The following REPS2 variants were observed in gnomAD, a reference collection of about 807,000 sequenced individuals.
The protein encoded by REPS2 is ralBP1-associated Eps domain-containing protein 2.
REPS2 carries 23 observed loss-of-function variants against 53.6 expected under a neutral mutation model. That is an observed-to-expected ratio of 0.43 (90% confidence interval 0.31 to 0.61). REPS2 has a LOEUF of 0.61. Among genes scored for constraint, REPS2 ranks in the 20% least tolerant of loss-of-function variants. The pLI is 0.11. For synonymous variants in REPS2, 238 were observed against 218.6 expected (o/e 1.09, Z -0.78); for missense variants, 446 against 534.9 (o/e 0.83, Z 1.64).
At chrX:16,967,692 T>C (rs969129199) in intron 1 of REPS2, among the ~76,000 whole-genome samples, 2 of 110,915 alleles carry the variant, frequency 1.8e-5, no homozygotes, top group Non-Finnish European at 3.8e-5. Flanking sequence ...TGGATTTATG[T>C]ACAGGTTCAT....
intron 1 of REPS2, among the ~76,000 whole-genome samples, chrX:16,960,752 C>G (rs2060650848): frequency 8.9e-6 from 1 of 112,147 alleles, no homozygotes; most frequent in African/African-American, 3.2e-5. Flanking sequence ...CTGGACTCCA[C>G]AAAAGCCCTC....
chrX:17,087,931 T>C (rs1448887142), intron 13 of REPS2, among the ~76,000 whole-genome samples: 5 of 50,110 alleles, frequency 1.0e-4, no homozygotes, highest in African/African-American at 4.0e-4. Context: ...TGTCGATAGA[T>C]AGATAGATAG....
intron 9 of REPS2, 51 bp from the exon 10 acceptor site, chrX:17,068,351 A>G (rs746592874): frequency 9.5e-7 from 1 of 1,056,453 alleles, no homozygotes; most frequent in South Asian, 2.0e-5. Flanking sequence ...TGTGCGCATC[A>G]CTTAATTTCT....
At chrX:17,104,527 C>T (rs1161102056) in intron 14 of REPS2, among the ~76,000 whole-genome samples, 1 of 111,210 alleles carries the variant, frequency 9.0e-6, no homozygotes, top group Non-Finnish European at 1.9e-5. Flanking sequence ...GTACACAGTC[C>T]CTGTTTCTAC....
At chrX:17,130,700 A>G (rs917972132) in intron 14 of REPS2, among the ~76,000 whole-genome samples, 1 of 96,552 alleles carries the variant, frequency 1.0e-5, no homozygotes, top group Non-Finnish European at 2.1e-5. Flanking sequence ...CTTAATAAAT[A>G]TGTCTTGAAT....
chrX:17,169,216 T>C, the REPS2 span, among the ~76,000 whole-genome samples: 9 of 112,400 alleles, frequency 8.0e-5, no homozygotes, highest in South Asian at 3.3e-3. Flanking sequence ...CCGTGTAGTT[T>C]TAAACTACTA....
the REPS2 span, among the ~76,000 whole-genome samples, chrX:17,195,587 C>A: frequency 8.9e-6 from 1 of 111,958 alleles, no homozygotes; most frequent in Non-Finnish European, 1.9e-5. Context: ...AAAAATTGAG[C>A]CTAAAATTGT....
the REPS2 span, among the ~76,000 whole-genome samples, chrX:17,168,408 G>C: frequency 4.4e-4 from 49 of 111,390 alleles, no homozygotes; most frequent in African/African-American, 1.6e-3. Flanking sequence ...CAGCTACTTG[G>C]GAGGCTGAGG....
At chrX:16,986,482 T>C (rs185118674) in intron 1 of REPS2, among the ~76,000 whole-genome samples, 2 of 112,242 alleles carry the variant, frequency 1.8e-5, no homozygotes, top group East Asian at 2.8e-4. Flanking sequence ...AGACAAGATA[T>C]CCATGAGTTC....
At chrX:17,056,440 A>C (rs1007796873) in intron 8 of REPS2, among the ~76,000 whole-genome samples, 2 of 112,362 alleles carry the variant, frequency 1.8e-5, no homozygotes, top group African/African-American at 6.5e-5. Context: ...CTGTAATCCC[A>C]GCACTTTGGG....
At chrX:16,989,264 A>T (rs1044654691) in intron 1 of REPS2, among the ~76,000 whole-genome samples, 2 of 111,007 alleles carry the variant, frequency 1.8e-5, no homozygotes, top group African/African-American at 6.6e-5. Flanking sequence ...AAAAAAAAAA[A>T]AACTCTTGCT....
At chrX:17,065,090 A>C (rs1439267078) in intron 9 of REPS2, among the ~76,000 whole-genome samples, 1 of 112,384 alleles carries the variant, frequency 8.9e-6, no homozygotes, top group Non-Finnish European at 1.9e-5. Context: ...CTATGAACAT[A>C]GATGTACAAG....
intron 13 of REPS2, among the ~76,000 whole-genome samples, chrX:17,090,532 C>A (rs2062601007): frequency 1.8e-5 from 2 of 111,835 alleles, no homozygotes; most frequent in Admixed American, 9.5e-5. Flanking sequence ...GGACACAGAG[C>A]CAAACCATGT....
chrX:17,182,132 CTCTATCTGTCTATCTA>C, the REPS2 span, among the ~76,000 whole-genome samples: 181 of 90,457 alleles, frequency 2.0e-3, no homozygotes, highest in African/African-American at 6.9e-3. Context: ...ACCTAGTGTG[CTCTATCTGTCTATCTA>C]TCTATCTATC....
At chrX:17,155,655 A>G (rs769941323), downstream of REPS2, among the ~76,000 whole-genome samples, 1 of 112,220 alleles carries the variant, frequency 8.9e-6, no homozygotes, top group Admixed American at 9.4e-5. Flanking sequence ...GTGTTCTCCC[A>G]AATTTTTCCT....
intron 5 of REPS2, among the ~76,000 whole-genome samples, chrX:17,045,011 C>T (rs1019677443): frequency 1.3e-4 from 14 of 111,614 alleles, no homozygotes; most frequent in African/African-American, 4.2e-4. Flanking sequence ...CTCGCTGCAA[C>T]GTCCACCTCC....
intron 2 of REPS2, among the ~76,000 whole-genome samples, chrX:17,019,776 A>G (rs992165813): frequency 2.7e-5 from 3 of 111,924 alleles, no homozygotes; most frequent in African/African-American, 9.7e-5. Context: ...GCAATGAGCT[A>G]TGTTAGTGCC....
chrX:17,022,160 T>C lies in REPS2; in HGVS notation c.435T>C (p.Asp145=), dbSNP rs1181331639. 3.3e-6 allele frequency: 4 copies of C among 1,210,078 alleles called. No individual in the cohort carries two copies. The highest frequency in any genetic ancestry group is 3.4e-6 in the Non-Finnish European group (3 of 894,034). The change falls in exon 3 of 18, where the codon GAT becomes GAC. Residue 145 remains aspartate (D), a synonymous_variant. Coordinates refer to ENST00000357277, the MANE Select transcript of REPS2 (RefSeq NM_004726.3). ...PLPRFMMSKN[D]GEIRFGNPAE... Reference sequence around the variant, plus strand: ...CTCGCTTTATGATGTCAAAGAATGATGGTGAGATACGATTTGGGAACCCAG... The same window carrying C: ...CTCGCTTTATGATGTCAAAGAATGACGGTGAGATACGATTTGGGAACCCAG...
chrX:16,949,522 C>T (rs757037607), intron 1 of REPS2, among the ~76,000 whole-genome samples: 93 of 112,301 alleles, frequency 8.3e-4, no homozygotes, highest in Non-Finnish European at 1.6e-3. Context: ...ATTCTTCCGC[C>T]TCAGCCTCCT....
Sources: gnomAD v4.1 joint callset for allele counts (sites outside exome capture counted in the v4.1 genomes callset) on GRCh38, gnomAD v4.1.1 for gene constraint, MANE v1.5 for transcripts, NCBI Gene and HGNC (gene_info 2026-07-23, HGNC 2026-07-21) for gene names.